RNF38: variants seen among roughly 807,000 people sequenced by gnomAD.
RNF38 encodes the protein ring finger protein 38.
Under a neutral mutation model 67.2 loss-of-function variants are expected in RNF38, and 15 were observed. That is an observed-to-expected ratio of 0.22 (90% CI 0.15 to 0.34). The LOEUF (loss-of-function observed/expected upper bound fraction) is 0.34. RNF38 is among the 10% of genes least tolerant of loss of function. The pLI, the probability that RNF38 is intolerant of heterozygous loss-of-function variation, is 1.00. For missense variants in RNF38, 524 were observed against 639.9 expected (o/e 0.82, Z 1.95); for synonymous variants, 220 against 218.8 (o/e 1.01, Z -0.05).
upstream of RNF38, among the ~76,000 whole-genome samples, chr9:36,402,830 A>G (rs1168039129): frequency 6.6e-6 from 1 of 152,046 alleles, no homozygotes; most frequent in Non-Finnish European, 1.5e-5. Flanking sequence ...CCCAGGTTGG[A>G]TAGTTTTAAA....
At chr9:36,407,615 C>T (rs1013330041) in intron 2 of RNF38, among the ~76,000 whole-genome samples, 1 of 152,216 alleles carries the variant, frequency 6.6e-6, no homozygotes, top group Non-Finnish European at 1.5e-5. Flanking sequence ...CAGGCAGGAG[C>T]TGACCCTGAG....
intron 1 of RNF38, among the ~76,000 whole-genome samples, chr9:36,452,944 T>C (rs1243112597): frequency 1.3e-5 from 2 of 152,230 alleles, no homozygotes; most frequent in Non-Finnish European, 2.9e-5. Context: ...CTATAATGAA[T>C]AATGATCAAT....
At chr9:36,360,632 G>C (rs552029540) in intron 4 of RNF38, among the ~76,000 whole-genome samples, 1 of 152,190 alleles carries the variant, frequency 6.6e-6, no homozygotes, top group South Asian at 2.1e-4. Context: ...CCTGAATAAG[G>C]TTCAACCCAA....
At position 36,353,290 on chromosome 9, in the gene RNF38, T is replaced by C; in HGVS notation, c.951A>G (p.Glu317=). The change falls in exon 7 of 12, where the codon GAA becomes GAG. Residue 317 remains glutamate, a synonymous_variant. Coordinates refer to ENST00000259605, the MANE Select transcript of RNF38 (RefSeq NM_022781.5). ...RIENEVELLG[E]HLPVGGFTYP... ...AAGTAAAACCTCCTACTGGAAGATG[T>C]TCTCCTAAGAGTTCCACTTCATTTT... The C allele has an allele frequency of 1.2e-6, 2 of 1,613,008 alleles. No individual in the cohort carries two copies. Among genetic ancestry groups the C allele is most frequent in the East Asian group, 2.2e-5 (1 of 44,848 alleles).
At chr9:36,364,641 T>C (rs1156469213) in intron 4 of RNF38, among the ~76,000 whole-genome samples, 1 of 152,242 alleles carries the variant, frequency 6.6e-6, no homozygotes, top group Non-Finnish European at 1.5e-5. Context: ...AATGTCTTTA[T>C]TACCATAGTT....
At chr9:36,400,358 A>C (rs1013084408), upstream of RNF38, 16 of 1,211,084 alleles carry the variant, frequency 1.3e-5, no homozygotes, top group East Asian at 3.5e-5. Flanking sequence ...GGAGCGAGAG[A>C]GCGAGGCCAT....
At chr9:36,449,581 G>A (rs376721957) in intron 1 of RNF38, among the ~76,000 whole-genome samples, 7 of 152,122 alleles carry the variant, frequency 4.6e-5, no homozygotes, top group Non-Finnish European at 7.3e-5. Context: ...GACTACAGGC[G>A]CGTGCCAACA....
intron 6 of RNF38, among the ~76,000 whole-genome samples, chr9:36,355,294 C>T (rs529454982): frequency 7.9e-5 from 12 of 152,210 alleles, no homozygotes; most frequent in Non-Finnish European, 1.6e-4. Context: ...GGTTATCTCT[C>T]CTGTTTCTCC....
At chr9:36,464,026 G>A (rs1839800163) in intron 1 of RNF38, among the ~76,000 whole-genome samples, 1 of 151,672 alleles carries the variant, frequency 6.6e-6, no homozygotes, top group Admixed American at 6.6e-5. Context: ...AATTAGCCGG[G>A]CGTGGTGGCA....
chr9:36,392,761 T>C (rs975067678), intron 1 of RNF38, among the ~76,000 whole-genome samples: 5 of 152,086 alleles, frequency 3.3e-5, no homozygotes, highest in African/African-American at 4.8e-5. Context: ...TGAGACAATT[T>C]CTAAAAATAA....
chr9:36,342,179 C>A, intron 11 of RNF38, 146 bp downstream of exon 11: 1 of 435,684 alleles, frequency 2.3e-6, no homozygotes, highest in South Asian at 2.2e-5. Context: ...TTTTTACTGG[C>A]CTTTTCTCAT....
chr9:36,343,422 C>G (rs1490939588), intron 10 of RNF38, among the ~76,000 whole-genome samples: 1 of 151,834 alleles, frequency 6.6e-6, no homozygotes, highest in Non-Finnish European at 1.5e-5. Flanking sequence ...CAAAGACAAA[C>G]CAATTTATGG....
rs1835411892 is a variant in RNF38, at chr9:36,371,953, C to CA, written c.357-2022dup. On this transcript the variant is annotated intron_variant, in intron 3 of 11. Coordinates refer to ENST00000259605, the MANE Select transcript of RNF38 (RefSeq NM_022781.5). ...TCTTTTCTTTTTTTTTTTTTTGAGA[C>CA]AGAGTCTCGCCCTGTCTGCCAGGCT... is the stretch of plus-strand genomic sequence containing the variant. Among the ~76,000 whole-genome samples the CA allele has an allele frequency of 1.2e-4, 17 of 143,036 alleles. 1 individual carries two copies. The South Asian group carries it at 3.5e-3, about 30-fold the overall frequency. The allele number at this position is 143,036 out of a possible 152,430, so 93.8% of individuals were successfully genotyped here. A position where few individuals can be genotyped will look rare whatever the true frequency, so the allele number is the denominator to read the frequency against.
chr9:36,374,272 T>C (rs535742987), intron 3 of RNF38, among the ~76,000 whole-genome samples: 1 of 152,304 alleles, frequency 6.6e-6, no homozygotes, highest in East Asian at 1.9e-4. Context: ...GGTTTTAAGA[T>C]CCCTTCTGCA....
intron 9 of RNF38, among the ~76,000 whole-genome samples, chr9:36,349,078 G>A (rs1833512883): frequency 6.6e-6 from 1 of 152,176 alleles, no homozygotes; most frequent in African/African-American, 2.4e-5. Flanking sequence ...AATAAAGCCT[G>A]GATGACAAAA....
chr9:36,398,700 G>GT (rs913842240), intron 1 of RNF38, among the ~76,000 whole-genome samples: 2 of 152,188 alleles, frequency 1.3e-5, no homozygotes, highest in Admixed American at 6.5e-5. Flanking sequence ...TGTCTGACAT[G>GT]TTTTCTTAGC....
At chr9:36,487,412 G>T in exon 1 of RNF38, 1 of 981,498 alleles carries the variant, frequency 1.0e-6, no homozygotes, top group Non-Finnish European at 1.2e-6. Flanking sequence ...CTCCGGCCGG[G>T]GCGGCGGCGG....
At chr9:36,355,325 T>G (rs533754719) in intron 6 of RNF38, among the ~76,000 whole-genome samples, 3 of 152,368 alleles carry the variant, frequency 2.0e-5, no homozygotes, top group East Asian at 3.9e-4. Flanking sequence ...ATGGTCTTGA[T>G]GCTGAACCTG....
chr9:36,401,594 G>A (rs1838036657), upstream of RNF38, among the ~76,000 whole-genome samples: 1 of 152,154 alleles, frequency 6.6e-6, no homozygotes, highest in Non-Finnish European at 1.5e-5. Context: ...CGCTTGGGGA[G>A]GGGAAATAAG....
Sources: allele counts gnomAD v4.1 joint callset (sites outside exome capture counted in the v4.1 genomes callset), GRCh38; gene constraint gnomAD v4.1.1; transcripts MANE v1.5; gene names NCBI Gene and HGNC (gene_info 2026-07-23, HGNC 2026-07-21).